The following ANKRD55 variants were observed in gnomAD, a reference collection of about 807,000 sequenced individuals.
The protein encoded by ANKRD55 is ankyrin repeat domain-containing protein 55.
In ANKRD55, 41 loss-of-function variants were observed where a neutral mutation model predicts 60.6. That is an observed-to-expected ratio of 0.68 (90% CI 0.53 to 0.88). The LOEUF is 0.88. ANKRD55 is among the 40% of genes least tolerant of loss of function. ANKRD55 has a pLI of 0.00. For missense variants in ANKRD55, 732 were observed against 767.6 expected (o/e 0.95, Z 0.55); for synonymous variants, 264 against 290.3 (o/e 0.91, Z 0.92).
chr5:56,212,333 ACCCC>A (rs1431246238), intron 2 of ANKRD55, among the ~76,000 whole-genome samples: 3 of 152,192 alleles, frequency 2.0e-5, no homozygotes, highest in Admixed American at 6.5e-5. Flanking sequence ...ATGAAATTTG[ACCCC>A]TATAAGATAA....
chr5:56,137,166 A>G, intron 7 of ANKRD55: 1 of 1,521,786 alleles, frequency 6.6e-7, no homozygotes, highest in South Asian at 1.1e-5. Flanking sequence ...GTGACGTTAC[A>G]GTGGTGGAGT....
Position 56,123,742 on chromosome 5 carries a change from C to T in ANKRD55, c.797+3180G>A, listed in dbSNP as rs9292112. 1.8e-3 allele frequency among the ~76,000 whole-genome samples: 268 copies of T among 152,198 alleles called. 2 individuals carry two copies. The highest frequency in any genetic ancestry group is 6.2e-3 in the African/African-American group (257 of 41,484). ...ATTCCTCTGACCATCAACATGGAAG[C>T]GATCCAGAAGAACAGGGTTTTGCTG... On this transcript the variant is annotated intron_variant, in intron 8 of 11. Transcript: ENST00000341048.
chr5:56,159,338 G>A (rs2111791923), intron 6 of ANKRD55, among the ~76,000 whole-genome samples: 1 of 152,264 alleles, frequency 6.6e-6, no homozygotes, highest in South Asian at 2.1e-4. Context: ...GCGCCTGCTT[G>A]TAATCCCAGC....
chr5:56,203,582 G>A (rs1444796415), intron 2 of ANKRD55, among the ~76,000 whole-genome samples: 4 of 151,946 alleles, frequency 2.6e-5, no homozygotes, highest in South Asian at 4.2e-4. Flanking sequence ...GAGAACATGC[G>A]GTGTTTGGTT....
chr5:56,162,108 G>T (rs1758347760), intron 5 of ANKRD55: 10 of 865,150 alleles, frequency 1.2e-5, no homozygotes, highest in Middle Eastern at 5.9e-4. Context: ...AAGGCAGGAG[G>T]TCAGCTGTGG....
At chr5:56,183,472 G>A (rs754114625) in intron 3 of ANKRD55, 40 bp downstream of exon 3, 1 of 1,609,836 alleles carries the variant, frequency 6.2e-7, no homozygotes, top group Non-Finnish European at 8.5e-7. Context: ...TAAAAAAATA[G>A]AGCAGAACAT....
intron 2 of ANKRD55, among the ~76,000 whole-genome samples, chr5:56,199,041 C>A (rs532828166): frequency 1.3e-5 from 2 of 152,158 alleles, no homozygotes; most frequent in African/African-American, 4.8e-5. Context: ...GATCGCGCCA[C>A]TGCACTCCAG....
intron 2 of ANKRD55, among the ~76,000 whole-genome samples, chr5:56,210,162 C>A (rs1480207611): frequency 6.6e-6 from 1 of 152,170 alleles, no homozygotes; most frequent in East Asian, 1.9e-4. Context: ...AGTGTGCCAC[C>A]ACCCCCGAAA....
chr5:56,195,584 C>G (rs760232251), intron 2 of ANKRD55, among the ~76,000 whole-genome samples: 1 of 152,162 alleles, frequency 6.6e-6, no homozygotes, highest in Non-Finnish European at 1.5e-5. Flanking sequence ...GCTGGGATTA[C>G]AGGCGTGTGC....
chr5:56,115,477 T>C (rs964196224), intron 9 of ANKRD55, among the ~76,000 whole-genome samples: 1 of 151,568 alleles, frequency 6.6e-6, no homozygotes, highest in African/African-American at 2.4e-5. Context: ...CACCACCACA[T>C]CTGGCTAGTT....
intron 2 of ANKRD55, among the ~76,000 whole-genome samples, chr5:56,198,185 A>C (rs1055618208): frequency 1.3e-5 from 2 of 152,214 alleles, no homozygotes; most frequent in African/African-American, 2.4e-5. Flanking sequence ...GGGTTTCCCT[A>C]TGAGATTGAA....
intron 2 of ANKRD55, among the ~76,000 whole-genome samples, chr5:56,187,584 C>T (rs745801652): frequency 6.6e-6 from 1 of 152,278 alleles, no homozygotes; most frequent in Non-Finnish European, 1.5e-5. Flanking sequence ...CCGCCGCTGA[C>T]TTCTATCCCT....
At chr5:56,154,200 CAA>C (rs367809782) in intron 6 of ANKRD55, among the ~76,000 whole-genome samples, 2,464 of 64,094 alleles carry the variant, frequency 0.038, 63 homozygotes, top group African/African-American at 0.15. Context: ...GACTCTGTCT[CAA>C]AAAAAAAAAA....
At chr5:56,166,084 CTTTTTCTTTCTTTCTTTCTTTCTT>C (rs1758441907) in intron 5 of ANKRD55, among the ~76,000 whole-genome samples, 4 of 76,916 alleles carry the variant, frequency 5.2e-5, no homozygotes, top group African/African-American at 1.7e-4. Flanking sequence ...TCTTTCTTTT[CTTTTTCTTTCTTTCTTTCTTTCTT>C]TCTTTCTTTC....
chr5:56,233,028 C>G, intron 1 of ANKRD55, 82 bp from the exon 2 acceptor site: 2 of 957,112 alleles, frequency 2.1e-6, no homozygotes, highest in Non-Finnish European at 3.3e-6. Flanking sequence ...ACCTCTGTTT[C>G]AGGATTAAAT....
chr5:56,213,630 A>G (rs1759731829), intron 2 of ANKRD55, among the ~76,000 whole-genome samples: 1 of 152,234 alleles, frequency 6.6e-6, no homozygotes, highest in Admixed American at 6.5e-5. Flanking sequence ...TTACTAGAGC[A>G]GCAAAGAGTC....
chr5:56,131,989 C>T (rs550923212), intron 7 of ANKRD55, among the ~76,000 whole-genome samples: 111 of 151,580 alleles, frequency 7.3e-4, no homozygotes, highest in African/African-American at 2.4e-3. Context: ...CTAACAGCTA[C>T]AATGTATGCT....
chr5:56,159,739 G>A (rs562574750), intron 6 of ANKRD55, 94 bp downstream of exon 6: 5 of 1,250,804 alleles, frequency 4.0e-6, no homozygotes, highest in Admixed American at 1.7e-5. Context: ...ATGTCTCCCC[G>A]TAGCTTTTAA....
Position 56,111,266 on chromosome 5 carries a change from C to T in ANKRD55, c.1482G>A (p.Trp494Ter). Reference sequence around the variant, plus strand: ...AAAATACCTGATTAGAATCACTCTTCCAGGGGTTATCTAGTAACATCTGGC... The same window carrying T: ...AAAATACCTGATTAGAATCACTCTTTCAGGGGTTATCTAGTAACATCTGGC... ...TGCQMLLDNP[W>*]KSDSNQVFSY... Residue 494 changes from tryptophan (W) to a stop codon, truncating the protein, a stop_gained, in exon 10 of 12, where the codon TGG becomes TGA. Transcript: ENST00000341048. LOFTEE classifies it high-confidence loss of function. The T allele has an allele frequency of 1.2e-6, 2 of 1,614,170 alleles. No homozygotes were observed. Among genetic ancestry groups the T allele is most frequent in the Non-Finnish European group, 1.7e-6 (2 of 1,180,030 alleles).
Sources: gnomAD v4.1 joint callset for allele counts (sites outside exome capture counted in the v4.1 genomes callset) on GRCh38, gnomAD v4.1.1 for gene constraint, MANE v1.5 for transcripts, NCBI Gene and HGNC (gene_info 2026-07-23, HGNC 2026-07-21) for gene names.